DTWD2: variants seen among roughly 807,000 people sequenced by gnomAD.
DTWD2 encodes DTW motif tRNA-uridine aminocarboxypropyltransferase 2, also known as tRNA-uridine aminocarboxypropyltransferase 2.
In DTWD2, 39 loss-of-function variants were observed where a neutral mutation model predicts 31.8. The observed-to-expected ratio is 1.22, with a 90% CI of 0.95 to 1.60. DTWD2 has a LOEUF of 1.60. DTWD2 is among the 40% of genes most tolerant of loss of function. The pLI, the probability that DTWD2 is intolerant of heterozygous loss-of-function variation, is 0.00. For synonymous variants in DTWD2, 180 were observed against 142.8 expected (o/e 1.26, Z -1.86); for missense variants, 515 against 381.5 (o/e 1.35, Z -2.92).
chr5:118,884,224 G>A lies in DTWD2; in HGVS notation c.598-36006C>T, dbSNP rs78793486. 1.2e-3 allele frequency among the ~76,000 whole-genome samples: 184 copies of A among 152,218 alleles called. 1 individual carries two copies. Among genetic ancestry groups the A allele is most frequent in the Non-Finnish European group, 2.1e-3 (146 of 68,004 alleles). ...TGTGCTTTTACATACATACATACAT[G>A]TAGTTCCTTTTGTATGTTTTTCAAA... On this transcript the variant is annotated intron_variant, in intron 4 of 5. Transcript: ENST00000510708.
chr5:118,974,057 C>A (rs1167379054), intron 1 of DTWD2: 2 of 1,605,682 alleles, frequency 1.2e-6, no homozygotes, highest in Admixed American at 3.4e-5. Flanking sequence ...TACGGGCAAG[C>A]GGGCAGCTGA....
intron 4 of DTWD2, among the ~76,000 whole-genome samples, chr5:118,854,644 C>A (rs1752089101): frequency 6.6e-6 from 1 of 150,672 alleles, no homozygotes; most frequent in South Asian, 2.1e-4. Flanking sequence ...CAAAAGCAAA[C>A]ACACACAAAA....
intron 2 of DTWD2, among the ~76,000 whole-genome samples, chr5:118,941,483 T>C (rs1352823371): frequency 1.3e-5 from 2 of 152,232 alleles, no homozygotes; most frequent in African/African-American, 2.4e-5. Context: ...TCCAGCTTCA[T>C]CCATGTCCTA....
intron 1 of DTWD2, chr5:118,974,659 G>C (rs1369734518): frequency 2.0e-6 from 1 of 506,614 alleles, no homozygotes; most frequent in South Asian, 1.5e-5. Flanking sequence ...GTTTGTATGA[G>C]ATGGTTAAAA....
intron 5 of DTWD2, among the ~76,000 whole-genome samples, chr5:118,845,879 TC>T (rs1433035683): frequency 6.6e-6 from 1 of 152,252 alleles, no homozygotes; most frequent in East Asian, 1.9e-4. Flanking sequence ...AGATATCACA[TC>T]ACAAAGCACA....
chr5:118,918,288 T>G lies in DTWD2; in HGVS notation c.597+10249A>C, dbSNP rs1165103742. ...AAGGTAAGAAACATCAAATGGACAA[T>G]CTGACCGCCAAGAGATGACATTTTA... is the stretch of plus-strand genomic sequence containing the variant. On this transcript the variant is annotated intron_variant, in intron 4 of 5. Transcript: ENST00000510708. Among the ~76,000 whole-genome samples, 6 of 152,210 alleles carry G rather than the reference T, an allele frequency of 3.9e-5. No homozygotes were observed. The East Asian group carries it at 1.2e-3, about 29-fold the overall frequency.
chr5:118,961,420 A>C (rs1469551541), intron 1 of DTWD2, among the ~76,000 whole-genome samples: 1 of 152,234 alleles, frequency 6.6e-6, no homozygotes, highest in African/African-American at 2.4e-5. Context: ...TTACTTAGAC[A>C]TGTTTTCTCT....
chr5:118,848,595 A>C (rs1363964278), intron 4 of DTWD2, among the ~76,000 whole-genome samples: 2 of 152,236 alleles, frequency 1.3e-5, no homozygotes, highest in East Asian at 3.9e-4. Context: ...AGAGTAGCTA[A>C]AATAAAAAAG....
At chr5:118,886,525 T>A (rs1752872173) in intron 4 of DTWD2, among the ~76,000 whole-genome samples, 1 of 152,172 alleles carries the variant, frequency 6.6e-6, no homozygotes, top group African/African-American at 2.4e-5. Context: ...ATCTGAGGAA[T>A]ATGAGACTTC....
At chr5:118,917,480 T>C (rs1753604059) in intron 4 of DTWD2, among the ~76,000 whole-genome samples, 1 of 152,200 alleles carries the variant, frequency 6.6e-6, no homozygotes. Flanking sequence ...ACAATATTAG[T>C]CTGTTCTCAC....
At chr5:118,973,413 T>A (rs993643718) in intron 1 of DTWD2, among the ~76,000 whole-genome samples, 2 of 152,210 alleles carry the variant, frequency 1.3e-5, no homozygotes, top group Admixed American at 6.5e-5. Context: ...TTTCCGTATT[T>A]AGTGCTTCCT....
At chr5:118,935,845 A>C (rs1397878532) in intron 3 of DTWD2, among the ~76,000 whole-genome samples, 1 of 152,214 alleles carries the variant, frequency 6.6e-6, no homozygotes, top group African/African-American at 2.4e-5. Context: ...ATGCTCATAA[A>C]ATCAGTCAAA....
chr5:118,947,563 C>A (rs981994361), intron 1 of DTWD2, among the ~76,000 whole-genome samples: 1 of 152,168 alleles, frequency 6.6e-6, no homozygotes, highest in Non-Finnish European at 1.5e-5. Flanking sequence ...CCCTTCTCTT[C>A]TCTCTGCCAG....
chr5:118,899,559 T>C (rs1753157533), intron 4 of DTWD2, among the ~76,000 whole-genome samples: 2 of 151,992 alleles, frequency 1.3e-5, no homozygotes, highest in South Asian at 4.2e-4. Context: ...TATACCAAAG[T>C]GCCCAAATCA....
intron 1 of DTWD2, among the ~76,000 whole-genome samples, chr5:118,961,342 G>A (rs535220009): frequency 3.3e-5 from 5 of 152,082 alleles, no homozygotes; most frequent in African/African-American, 9.6e-5. Flanking sequence ...TTTCTTAACA[G>A]CAAATTAATT....
At chr5:118,930,119 G>C (rs985153834) in intron 3 of DTWD2, among the ~76,000 whole-genome samples, 1 of 152,062 alleles carries the variant, frequency 6.6e-6, no homozygotes, top group Admixed American at 6.6e-5. Flanking sequence ...CAATAAATTT[G>C]TATGCCTTTT....
intron 5 of DTWD2, among the ~76,000 whole-genome samples, chr5:118,845,923 A>T (rs147368894): frequency 7.6e-4 from 115 of 152,292 alleles, no homozygotes; most frequent in African/African-American, 2.6e-3. Flanking sequence ...CTGTGGCTTT[A>T]TGTCATCAAT....
intron 4 of DTWD2, among the ~76,000 whole-genome samples, chr5:118,857,248 T>A (rs1752159388): frequency 1.3e-5 from 2 of 152,212 alleles, no homozygotes. Context: ...TATATGTGTG[T>A]GTTAAGCTTT....
chr5:118,981,693 G>C (rs1755304689), intron 1 of DTWD2, among the ~76,000 whole-genome samples: 1 of 151,986 alleles, frequency 6.6e-6, no homozygotes, highest in African/African-American at 2.4e-5. Context: ...CCCCGAATCT[G>C]CCTTTCTAAC....
Sources: allele counts gnomAD v4.1 joint callset (sites outside exome capture counted in the v4.1 genomes callset), GRCh38; gene constraint gnomAD v4.1.1; transcripts MANE v1.5; gene names NCBI Gene and HGNC (gene_info 2026-07-23, HGNC 2026-07-21).